Variants in LHX1 observed in about 807,000 individuals in gnomAD.
LHX1 encodes the protein LIM/homeobox protein Lhx1.
A neutral mutation model predicts 34.1 loss-of-function variants in LHX1; 9 were observed. The ratio of observed to expected loss-of-function variants is 0.26; its 90% CI spans 0.16 to 0.46. The LOEUF (loss-of-function observed/expected upper bound fraction) is 0.46, where lower values mean the gene tolerates loss of function less well. LHX1 is among the 20% of genes least tolerant of loss of function. The pLI, the probability that LHX1 is intolerant of heterozygous loss-of-function variation, is 1.00. For synonymous variants in LHX1, 254 were observed against 241.5 expected (o/e 1.05, Z -0.48); for missense variants, 446 against 559.1 (o/e 0.80, Z 2.04).
At chr17:36,938,446 T>C (rs2070743648) in intron 1 of LHX1, 79 bp downstream of exon 1, 1 of 1,435,650 alleles carries the variant, frequency 7.0e-7, no homozygotes, top group African/African-American at 1.4e-5. Context: ...GAGGTTAGCG[T>C]GGCCTCGCTG....
chr17:36,942,316 C>T lies in LHX1; in HGVS notation c.792C>T (p.Arg264=), dbSNP rs2070770740. 6.3e-7 allele frequency: 1 copy of T among 1,592,574 alleles called. No homozygotes were observed. ...SPRRMRPLVD[R]LEPGELIPNG... ...GCCGGATGCGGCCGCTGGTGGACCG[C>T]CTGGAGCCGGGCGAGCTCATCCCCA... Residue 264 remains arginine, a synonymous_variant, in exon 4 of 5, where the codon CGC becomes CGT. Transcript: ENST00000614239.
Position 36,942,211 on chromosome 17 carries a change from G to T in LHX1, c.687G>T (p.Gln229His). ...LNMRVIQVWF[Q>H]NRRSKERRMK... ...GCCATGTGCTGCAGGTCTGGTTCCAGAACCGGCGCTCCAAGGAGCGGAGGA... is the reference window on the plus strand; with the variant it reads ...GCCATGTGCTGCAGGTCTGGTTCCATAACCGGCGCTCCAAGGAGCGGAGGA... Residue 229 changes from glutamine to histidine, a missense_variant, in exon 4 of 5, where the codon CAG becomes CAT. By Grantham distance (24) the Gln-to-His change is conservative. This residue lies in a region of LHX1 where 43 missense variants were observed against 108.0 expected (regional missense o/e 0.40). Coordinates refer to ENST00000614239, the MANE Select transcript of LHX1 (RefSeq NM_005568.5). The T allele has an allele frequency of 6.3e-7, 1 of 1,595,752 alleles. No homozygotes were observed.
At position 36,938,000 on chromosome 17, in the gene LHX1, G is replaced by GC. The variant is rs1043596063; in HGVS notation, c.-191dup. On this transcript the variant is annotated 5_prime_UTR_variant, in exon 1 of 5. Coordinates refer to ENST00000614239, the MANE Select transcript of LHX1 (RefSeq NM_005568.5). The stretch of plus-strand genomic sequence containing the variant: ...CCCCGGCTGCACACTTCACTGAGAC[G>GC]CCCCCCCAGGCCCCGATCAGCCTCG... 1.0e-4 allele frequency: 64 copies of GC among 616,028 alleles called. No homozygotes were observed. Among genetic ancestry groups the GC allele is most frequent in the Middle Eastern group, 8.7e-4 (2 of 2,290 alleles). 38.2% of individuals were successfully genotyped at this position (616,028 alleles called of 1,614,324 possible). A position where few individuals can be genotyped will look rare whatever the true frequency, so the allele number is the denominator to read the frequency against.
rs555322052 is a variant in LHX1 at position 36,943,347 on chromosome 17, G to A, written c.*216G>A. 3 of 569,842 alleles carry A rather than the reference G, an allele frequency of 5.3e-6. No individual in the cohort carries two copies. Among genetic ancestry groups the A allele is most frequent in the South Asian group, 5.1e-5 (2 of 39,232 alleles). The allele number at this position is 569,842 out of a possible 1,614,324, so 35.3% of individuals were successfully genotyped here. A position where few individuals can be genotyped will look rare whatever the true frequency, so the allele number is the denominator to read the frequency against. On this transcript the variant is annotated 3_prime_UTR_variant, in exon 5 of 5. Transcript: ENST00000614239. ...GACTGGGATCCGCGCACTGGCTGTC[G>A]ACGTGCAGAACTGGGGCTCCCCAAA...
upstream of LHX1, chr17:36,937,041 A>G (rs1260035022): frequency 4.4e-5 from 9 of 203,012 alleles, no homozygotes; most frequent in Non-Finnish European, 7.9e-5. Flanking sequence ...CAAAAGAAAA[A>G]CAAAAAAAAA....
intron 3 of LHX1, 45 bp downstream of exon 3, chr17:36,940,932 C>T (rs1395437729): frequency 2.6e-6 from 4 of 1,545,914 alleles, no homozygotes; most frequent in Non-Finnish European, 3.5e-6. Flanking sequence ...GCCCACACTG[C>T]CACTTTGGGC....
intron 3 of LHX1, 37 bp from the exon 4 acceptor site, chr17:36,942,163 A>G: frequency 6.4e-7 from 1 of 1,559,810 alleles, no homozygotes; most frequent in Non-Finnish European, 8.6e-7. Flanking sequence ...TCGGGGGTGG[A>G]GTCTCGGTGG....
rs2070759878 is a variant in LHX1 at position 36,940,776 on chromosome 17, A to G, written c.564A>G (p.Lys188=). Residue 188 remains lysine, a synonymous_variant, in exon 3 of 5, where the codon AAA becomes AAG. Transcript: ENST00000614239. ...GGCGGGGACCGCGCACCACCATCAA[A>G]GCCAAGCAGCTGGAGACGCTGAAGG... ...AKRRGPRTTI[K]AKQLETLKAA... 1 of 1,613,470 alleles carries G rather than the reference A, an allele frequency of 6.2e-7. No homozygotes were observed. Among genetic ancestry groups the G allele is most frequent in the East Asian group, 2.2e-5 (1 of 44,874 alleles).
intron 4 of LHX1, 29 bp from the exon 5 acceptor site, chr17:36,942,723 C>T (rs1232976689): frequency 6.8e-7 from 1 of 1,465,056 alleles, no homozygotes; most frequent in South Asian, 1.4e-5. Context: ...CGGGCCCTGA[C>T]GTCCTGCGCC....
chr17:36,940,722 G>T lies in LHX1; in HGVS notation c.510G>T (p.Glu170Asp). ...CGGACAAGGAAGCGGGTAGCAACGA[G>T]AATGACGACCAGAACCTGGGCGCCA... is the stretch of plus-strand genomic sequence containing the variant. ...NVSDKEAGSN[E>D]NDDQNLGAKR... Residue 170 changes from glutamate (E) to aspartate (D), a missense_variant, in exon 3 of 5, where the codon GAG (glutamate) becomes GAT (aspartate). Around this residue, in one of 3 missense-constraint regions of LHX1, gnomAD observed 168 missense variants for 226.6 expected, o/e 0.74. Transcript: ENST00000614239. 1 of 1,613,796 alleles carries T rather than the reference G, an allele frequency of 6.2e-7. No individual in the cohort carries two copies. The highest frequency in any genetic ancestry group is 8.5e-7 in the Non-Finnish European group (1 of 1,180,058).
intron 1 of LHX1, among the ~76,000 whole-genome samples, chr17:36,939,763 T>G (rs1282510814): frequency 6.6e-6 from 1 of 152,242 alleles, no homozygotes; most frequent in Non-Finnish European, 1.5e-5. Context: ...GCGGCTATGT[T>G]TGTTTACCAA....
upstream of LHX1, chr17:36,937,168 C>A: frequency 2.2e-6 from 1 of 448,276 alleles, no homozygotes; most frequent in South Asian, 1.6e-5. Context: ...GCAGACAGAG[C>A]GTGGGCCGAG....
chr17:36,941,388 A>C, intron 3 of LHX1: 1 of 342,600 alleles, frequency 2.9e-6, no homozygotes, highest in Non-Finnish European at 5.8e-6. Context: ...TTCCGCCGGG[A>C]GTCAGCTCTG....
chr17:36,942,624 C>T lies in LHX1; in HGVS notation c.842-128C>T. 3.6e-6 allele frequency: 4 copies of T among 1,121,892 alleles called. No homozygotes were observed. The South Asian group carries it at 6.8e-5, about 19-fold the overall frequency. The allele number at this position is 1,121,892 out of a possible 1,614,324, so 69.5% of individuals were successfully genotyped here. ...CTCCCTGCACCCAGGCCCGCGAGGGCTCCCCGCGATCCGCGAGTTCCCCGC... is the reference window on the plus strand; with the variant it reads ...CTCCCTGCACCCAGGCCCGCGAGGGTTCCCCGCGATCCGCGAGTTCCCCGC... On this transcript the variant is annotated intron_variant, in intron 4 of 4. Transcript: ENST00000614239.
upstream of LHX1, chr17:36,937,325 C>A: frequency 2.5e-6 from 1 of 397,784 alleles, no homozygotes; most frequent in Non-Finnish European, 5.0e-6. Flanking sequence ...GGCCGCCAGG[C>A]AGGCCAAGGG....
Position 36,943,053 on chromosome 17 carries a change from G to T in LHX1, c.1143G>T (p.Ser381=). The T allele has an allele frequency of 6.2e-7, 1 of 1,606,644 alleles. No individual in the cohort carries two copies. The highest frequency in any genetic ancestry group is 8.5e-7 in the Non-Finnish European group (1 of 1,175,218). ...TCGGACCCAGCCCGCCCTTCTCGTC[G>T]CTGTCGGTCAACGGTGGGGCGAGCT... The part of the protein sequence containing the change: ...EVFGPSPPFS[S]LSVNGGASYG... Residue 381 remains serine, a synonymous_variant, in exon 5 of 5, where the codon TCG becomes TCT. Transcript: ENST00000614239.
At chr17:36,942,704 GC>G in intron 4 of LHX1, 47 bp from the exon 5 acceptor site, 2 of 1,440,566 alleles carry the variant, frequency 1.4e-6, no homozygotes, top group Non-Finnish European at 9.1e-7. Flanking sequence ...GGTCCCGCCG[GC>G]CCCCGGCCGG....
chr17:36,942,645 C>T, intron 4 of LHX1, 107 bp from the exon 5 acceptor site: 1 of 1,255,360 alleles, frequency 8.0e-7, no homozygotes, highest in Non-Finnish European at 1.1e-6. Flanking sequence ...CCGCGAGTTC[C>T]CCGCGCGGCC....
rs947853594 is a variant in LHX1, at chr17:36,942,916, C to G, written c.1006C>G (p.Pro336Ala). The G allele has an allele frequency of 1.9e-6, 3 of 1,601,680 alleles. No individual in the cohort carries two copies. The highest frequency in any genetic ancestry group is 1.7e-5 in the Admixed American group (1 of 58,678). Residue 336 changes from proline (P) to alanine (A), a missense_variant, in exon 5 of 5, where the codon CCG becomes GCG. Pro to Ala is a conservative substitution (Grantham distance 27, BLOSUM62 -1). Transcript: ENST00000614239. ...GLEHPLPGHH[P>A]SSEAQRFTDI... ...GGAGCACCCGCTGCCGGGCCACCAC[C>G]CGTCGAGCGAGGCGCAGCGGTTTAC... is the stretch of plus-strand genomic sequence containing the variant.
Sources: allele counts gnomAD v4.1 joint callset (sites outside exome capture counted in the v4.1 genomes callset), GRCh38; gene constraint gnomAD v4.1.1; regional missense constraint gnomAD v4.1.1; transcripts MANE v1.5; gene names NCBI Gene and HGNC (gene_info 2026-07-23, HGNC 2026-07-21).